HIP1: variants seen among roughly 807,000 people sequenced by gnomAD.
The protein encoded by HIP1 is huntingtin-interacting protein 1.
In HIP1, 65 loss-of-function variants were observed where a neutral mutation model predicts 147.6. The ratio of observed to expected loss-of-function variants is 0.44; its 90% CI spans 0.36 to 0.54. The LOEUF (loss-of-function observed/expected upper bound fraction) is 0.54, where lower values mean the gene tolerates loss of function less well. HIP1 is among the 20% of genes least tolerant of loss of function. The pLI is 0.00. For missense variants in HIP1, 1,061 were observed against 1,299.6 expected (o/e 0.82, Z 2.82); for synonymous variants, 479 against 504.0 (o/e 0.95, Z 0.67).
intron 1 of HIP1, among the ~76,000 whole-genome samples, chr7:75,651,374 G>C (rs1251811242): frequency 6.9e-6 from 1 of 145,910 alleles, no homozygotes; most frequent in Non-Finnish European, 1.5e-5. Context: ...CAGAAGAATC[G>C]CTTGAACCCG....
intron 1 of HIP1, among the ~76,000 whole-genome samples, chr7:75,619,603 G>A (rs1362725397): frequency 1.3e-5 from 2 of 151,866 alleles, no homozygotes; most frequent in African/African-American, 4.8e-5. Flanking sequence ...GAAGAATGAA[G>A]TCAGTTTCTC....
intron 26 of HIP1, 50 bp from the exon 27 acceptor site, chr7:75,544,850 C>G: frequency 1.7e-6 from 2 of 1,181,538 alleles, no homozygotes; most frequent in East Asian, 2.3e-5. Flanking sequence ...TGAGCTGCAA[C>G]TCCTCCACAA....
chr7:75,738,822 G>C lies in HIP1; in HGVS notation c.99C>G (p.Arg33=), dbSNP rs1319226733. Residue 33 remains arginine, a synonymous_variant, in exon 1 of 31, where the codon CGC becomes CGG. Coordinates refer to ENST00000336926, the MANE Select transcript of HIP1 (RefSeq NM_005338.7). ...GVGAGLEAAE[R]ESFERTQTVS... Reference sequence around the variant, plus strand: ...TCACCTGAGTCCGCTCGAAGCTCTCGCGCTCCGCCGCCTCCAGCCCAGCGC... The same window carrying C: ...TCACCTGAGTCCGCTCGAAGCTCTCCCGCTCCGCCGCCTCCAGCCCAGCGC... The C allele has an allele frequency of 6.3e-7, 1 of 1,599,378 alleles. No homozygotes were observed. The highest frequency in any genetic ancestry group is 8.5e-7 in the Non-Finnish European group (1 of 1,174,992).
chr7:75,568,325 T>G lies in HIP1; in HGVS notation c.746-69A>C. ...GGGCAGGGAAGCCACAGCGGGGCTC[T>G]CGAGGGGGAGGGGCCCAGCTACCCT... On this transcript the variant is annotated intron_variant, in intron 8 of 30. Transcript: ENST00000336926. This position sits in a 1 kb window ranked among gnomAD's most constrained non-coding sequence, Gnocchi z 4.1. 2 of 1,028,924 alleles carry G rather than the reference T, an allele frequency of 1.9e-6. No homozygotes were observed. The highest frequency in any genetic ancestry group is 3.1e-6 in the Non-Finnish European group (2 of 646,918). 63.7% of individuals were successfully genotyped at this position (1,028,924 alleles called of 1,614,324 possible).
At chr7:75,687,647 C>T (rs1395990038) in intron 1 of HIP1, among the ~76,000 whole-genome samples, 2 of 152,262 alleles carry the variant, frequency 1.3e-5, no homozygotes, top group African/African-American at 2.4e-5. Flanking sequence ...GCCGAGATGG[C>T]GCCATTGCAC....
intron 1 of HIP1, among the ~76,000 whole-genome samples, chr7:75,737,636 G>A (rs1802067952): frequency 6.6e-6 from 1 of 152,146 alleles, no homozygotes; most frequent in Non-Finnish European, 1.5e-5. Flanking sequence ...GTGAGGTACC[G>A]CGCCCGGCCA....
intron 1 of HIP1, among the ~76,000 whole-genome samples, chr7:75,689,424 A>G (rs527484032): frequency 6.6e-6 from 1 of 151,910 alleles, no homozygotes; most frequent in East Asian, 1.9e-4. Context: ...GGATTGCTTG[A>G]AACTGGGAGG....
At chr7:75,545,994 A>G (rs1222757657) in intron 25 of HIP1, among the ~76,000 whole-genome samples, 1 of 152,068 alleles carries the variant, frequency 6.6e-6, no homozygotes, top group African/African-American at 2.4e-5. Context: ...AACAAACAAA[A>G]AGACTTTTCC....
Position 75,599,226 on chromosome 7 carries a change from T to G in HIP1, c.142A>C (p.Ile48Leu). 6.2e-7 allele frequency: 1 copy of G among 1,612,892 alleles called. No individual in the cohort carries two copies. The highest frequency in any genetic ancestry group is 8.5e-7 in the Non-Finnish European group (1 of 1,178,902). The change falls in exon 2 of 31, where the codon ATT (isoleucine) becomes CTT (leucine). Residue 48 changes from isoleucine (I) to leucine (L), a missense_variant. This residue lies in a region of HIP1 where 225 missense variants were observed against 292.9 expected (regional missense o/e 0.77). Transcript: ENST00000336926. ...TTTACAGCCACTTCCTGCGTATTAA[T>G]GGCCTTATTGATGCTGACAGTCTGA... ...RTQTVSINKA[I>L]NTQEVAVKEK...
chr7:75,586,776 T>G lies in HIP1; in HGVS notation c.442A>C (p.Thr148Pro). The change falls in exon 5 of 31, where the codon ACC (threonine) becomes CCC (proline). Residue 148 changes from threonine (T) to proline (P), a missense_variant. Physicochemically the swap from Thr to Pro is conservative, Grantham distance 38. This residue lies in a region of HIP1 where 225 missense variants were observed against 292.9 expected (regional missense o/e 0.77). Transcript: ENST00000336926. ...ACTTTGGTGTGGTACTCCATCTTGG[T>G]TCTTAGCAGTTTCAGGTAGATGCTG... ...LCSIYLKLLR[T>P]KMEYHTKNPR... 6.2e-7 allele frequency: 1 copy of G among 1,613,450 alleles called. No homozygotes were observed. Among genetic ancestry groups the G allele is most frequent in the South Asian group, 1.1e-5 (1 of 91,028 alleles).
chr7:75,587,401 T>C (rs1401122804), intron 4 of HIP1, among the ~76,000 whole-genome samples: 2 of 152,216 alleles, frequency 1.3e-5, no homozygotes, highest in East Asian at 3.8e-4. Context: ...TATTCTTAAA[T>C]GTAAAATAGA....
At chr7:75,645,531 T>A (rs1798774275) in intron 1 of HIP1, among the ~76,000 whole-genome samples, 1 of 152,140 alleles carries the variant, frequency 6.6e-6, no homozygotes, top group Non-Finnish European at 1.5e-5. Flanking sequence ...CCGGCCTGGA[T>A]TGTTTCTTTT....
intron 1 of HIP1, among the ~76,000 whole-genome samples, chr7:75,660,111 C>T (rs1455292062): frequency 6.6e-6 from 1 of 150,662 alleles, no homozygotes; most frequent in East Asian, 2.0e-4. Flanking sequence ...GGCAACAGAG[C>T]AAGACTCCGT....
chr7:75,717,336 A>C (rs546174325), intron 1 of HIP1, among the ~76,000 whole-genome samples: 1 of 152,306 alleles, frequency 6.6e-6, no homozygotes, highest in East Asian at 1.9e-4. Flanking sequence ...AAAGGATTCC[A>C]AGTACACAAG....
intron 7 of HIP1, among the ~76,000 whole-genome samples, chr7:75,580,465 TG>T (rs2116919299): frequency 6.6e-6 from 1 of 152,064 alleles, no homozygotes; most frequent in South Asian, 2.1e-4. Context: ...AGGCCAGGTG[TG>T]GTAGCTCACG....
chr7:75,668,522 A>T (rs1799627237), intron 1 of HIP1, among the ~76,000 whole-genome samples: 1 of 152,070 alleles, frequency 6.6e-6, no homozygotes, highest in Non-Finnish European at 1.5e-5. Flanking sequence ...ACAGGGTTTC[A>T]CCATGTTGGC....
chr7:75,622,087 C>G (rs145665931), intron 1 of HIP1, among the ~76,000 whole-genome samples: 3,199 of 152,030 alleles, frequency 0.021, 223 homozygotes, highest in Admixed American at 0.13. Context: ...TCGAGACCAG[C>G]CTGGCCAACA....
At chr7:75,664,552 A>G (rs974089696) in intron 1 of HIP1, among the ~76,000 whole-genome samples, 1 of 150,232 alleles carries the variant, frequency 6.7e-6, no homozygotes, top group Non-Finnish European at 1.5e-5. Flanking sequence ...ATACATATAT[A>G]TGTATGTGTA....
At position 75,589,683 on chromosome 7, in the gene HIP1, CAAAAAAAAAAAAAAAAAAA is replaced by C. The variant is rs1159535613; in HGVS notation, c.384+2354_384+2372del. On this transcript the variant is annotated intron_variant, in intron 4 of 30. Transcript: ENST00000336926. The stretch of plus-strand genomic sequence containing the variant: ...AGGCAACAGAGCAAGACTCTGTCTC[CAAAAAAAAAAAAAAAAAAA>C]AAAAAAAAAAAAAGACTTTTTTTTT... Among the ~76,000 whole-genome samples, 100 of 49,654 alleles carry C rather than the reference CAAAAAAAAAAAAAAAAAAA, an allele frequency of 2.0e-3. 1 individual carries two copies. The highest frequency in any genetic ancestry group is 0.028 in the Middle Eastern group (1 of 36). The allele number at this position is 49,654 out of a possible 152,430, so 32.6% of individuals were successfully genotyped here. A position where few individuals can be genotyped will look rare whatever the true frequency, so the allele number is the denominator to read the frequency against.
Sources: gnomAD v4.1 joint callset for allele counts (sites outside exome capture counted in the v4.1 genomes callset) on GRCh38, gnomAD v4.1.1 for gene constraint, gnomAD v4.1.1 regional missense constraint, Gnocchi (gnomAD v3.1) non-coding constraint, MANE v1.5 for transcripts, NCBI Gene and HGNC (gene_info 2026-07-23, HGNC 2026-07-21) for gene names.